Variants in GCA observed in about 807,000 individuals in gnomAD.
GCA encodes the protein grancalcin, also known as grancalcin, EF-hand calcium-binding protein.
Under a neutral mutation model 32.6 loss-of-function variants are expected in GCA, and 30 were observed. The observed-to-expected ratio is 0.92, with a 90% confidence interval of 0.69 to 1.25. GCA has a LOEUF of 1.25. Among genes scored for constraint, GCA ranks in the 50% most tolerant of loss-of-function variants. The pLI, the probability that GCA is intolerant of heterozygous loss-of-function variation, is 0.00. For synonymous variants in GCA, 102 were observed against 84.6 expected (o/e 1.21, Z -1.13); for missense variants, 291 against 266.8 (o/e 1.09, Z -0.63).
intron 2 of GCA, among the ~76,000 whole-genome samples, chr2:162,347,985 G>A (rs1349662920): frequency 6.6e-6 from 1 of 151,946 alleles, no homozygotes; most frequent in Non-Finnish European, 1.5e-5. Flanking sequence ...TCCATAGTGC[G>A]GAAATCTGAT....
At chr2:162,322,611 T>C (rs1251126280) in intron 1 of GCA, among the ~76,000 whole-genome samples, 4 of 136,590 alleles carry the variant, frequency 2.9e-5, no homozygotes, top group East Asian at 2.3e-4. Flanking sequence ...CCTGTGTCCA[T>C]GTGTTCGCAT....
At chr2:162,346,473 G>A (rs139620665) in intron 1 of GCA, 1 of 152,304 alleles carries the variant, frequency 6.6e-6, no homozygotes, top group East Asian at 1.9e-4. Flanking sequence ...CTTCAATCTG[G>A]ATTGGGCCTG....
intron 1 of GCA, among the ~76,000 whole-genome samples, chr2:162,331,530 G>A (rs979827732): frequency 6.6e-6 from 1 of 152,206 alleles, no homozygotes; most frequent in East Asian, 1.9e-4. Context: ...TAGTGGGCAG[G>A]ATTAGCACCC....
rs191448650 is a variant in GCA, at chr2:162,370,842, C to T, written c.366-464C>T. ...GCAGTGGTGTGATCAAGGCCTGCTG[C>T]ACTCTTGACCTCCCAAGCTCAACCC... is the stretch of plus-strand genomic sequence containing the variant. On this transcript the variant is annotated intron_variant, in intron 4 of 4. Coordinates refer to the GCA transcript ENST00000414723. Among the ~76,000 whole-genome samples the T allele has an allele frequency of 5.3e-5, 8 of 152,126 alleles. No homozygotes were observed. In the East Asian group the frequency reaches 7.8e-4, roughly 15 times the overall value.
chr2:162,362,005 T>TA lies in GCA; in HGVS notation c.*1763dup, dbSNP rs1448262046. 2.0e-6 allele frequency: 2 copies of TA among 983,032 alleles called. No individual in the cohort carries two copies. The highest frequency in any genetic ancestry group is 3.5e-5 in the African/African-American group (2 of 57,124). The allele number at this position is 983,032 out of a possible 1,614,324, so 60.9% of individuals were successfully genotyped here. Reference sequence around the variant, plus strand: ...AAACTTTTAAAATGACAAATGGTATTATTCATGTAAGCTTCTGCCAGGTGA... The same window carrying TA: ...AAACTTTTAAAATGACAAATGGTATTAATTCATGTAAGCTTCTGCCAGGTGA... On this transcript the variant is annotated 3_prime_UTR_variant, in exon 8 of 8. Coordinates refer to ENST00000437150, the MANE Select transcript of GCA (RefSeq NM_012198.5).
rs1207831687 is a variant in GCA, at chr2:162,344,252, G to T, written c.4G>T (p.Ala2Ser). M[A>S]YPGYGGGFGN... ...CGCTCCGCTCGTCCCGCTCGTCATG[G>T]CCTACCCGGGATACGGAGGAGGGGT... is the stretch of plus-strand genomic sequence containing the variant. Residue 2 changes from alanine to serine, a missense_variant, in exon 1 of 8, where the codon GCC becomes TCC. By Grantham distance (99) the Ala-to-Ser change is moderately conservative. Transcript: ENST00000437150. The T allele has an allele frequency of 6.2e-7, 1 of 1,613,700 alleles. No individual in the cohort carries two copies. Among genetic ancestry groups the T allele is most frequent in the African/African-American group, 1.3e-5 (1 of 75,062 alleles).
At position 162,344,228 on chromosome 2, in the gene GCA, G is replaced by T. The variant is rs1478366066; in HGVS notation, c.-21G>T. The T allele has an allele frequency of 1.2e-6, 2 of 1,613,568 alleles. No individual in the cohort carries two copies. Among genetic ancestry groups the T allele is most frequent in the Non-Finnish European group, 8.5e-7 (1 of 1,179,870 alleles). ...CGGACGCGACTCGAGGGTGACGCTC[G>T]CTCCGCTCGTCCCGCTCGTCATGGC... On this transcript the variant is annotated 5_prime_UTR_variant, in exon 1 of 8. Coordinates refer to ENST00000437150, the MANE Select transcript of GCA (RefSeq NM_012198.5).
Position 162,360,852 on chromosome 2 carries a change from T to G in GCA, c.*609T>G. 1 of 1,152,180 alleles carries G rather than the reference T, an allele frequency of 8.7e-7. No homozygotes were observed. The highest frequency in any genetic ancestry group is 3.2e-5 in the East Asian group (1 of 31,046). 71.4% of individuals were successfully genotyped at this position (1,152,180 alleles called of 1,614,324 possible). ...AGGCATTGTTTTTTCCTTTTTTATT[T>G]TTTGTATTATATATTTTTCTTAAAT... On this transcript the variant is annotated 3_prime_UTR_variant, in exon 8 of 8. Transcript: ENST00000437150.
chr2:162,319,354 T>A, intron 1 of GCA: 2 of 378,706 alleles, frequency 5.3e-6, no homozygotes, highest in South Asian at 1.9e-5. Context: ...CCAACTCAGC[T>A]TAGAAGGAAG....
chr2:162,362,432 A>G lies in GCA; in HGVS notation c.*2189A>G, dbSNP rs1685612680. On this transcript the variant is annotated 3_prime_UTR_variant, in exon 8 of 8. Transcript: ENST00000437150. The stretch of plus-strand genomic sequence containing the variant: ...TCACTTTTTCGATGCTTTAAAAATA[A>G]CTGATATTTTTATGATGAACATGAC... The G allele has an allele frequency of 1.0e-6, 1 of 959,358 alleles. No individual in the cohort carries two copies. The highest frequency in any genetic ancestry group is 4.8e-5 in the South Asian group (1 of 20,796). 59.4% of individuals were successfully genotyped at this position (959,358 alleles called of 1,614,324 possible). A position where few individuals can be genotyped will look rare whatever the true frequency, so the allele number is the denominator to read the frequency against.
downstream of GCA, chr2:162,373,442 C>T (rs780005662): frequency 3.1e-5 from 45 of 1,455,014 alleles, no homozygotes; most frequent in Non-Finnish European, 3.8e-5. Flanking sequence ...GTGAGAGACA[C>T]TCTTGGTTGG....
intron 1 of GCA, among the ~76,000 whole-genome samples, chr2:162,337,598 G>A (rs1407097626): frequency 1.3e-5 from 2 of 152,218 alleles, no homozygotes; most frequent in Non-Finnish European, 2.9e-5. Context: ...GGTAAGGTGA[G>A]CTGAGAAGAT....
At chr2:162,320,702 A>G (rs905976630) in intron 1 of GCA, among the ~76,000 whole-genome samples, 1 of 152,258 alleles carries the variant, frequency 6.6e-6, no homozygotes, top group African/African-American at 2.4e-5. Flanking sequence ...CATTTAAAAT[A>G]TGTTTATTAA....
Position 162,361,364 on chromosome 2 carries a change from G to T in GCA, c.*1121G>T. 1 of 975,544 alleles carries T rather than the reference G, an allele frequency of 1.0e-6. No individual in the cohort carries two copies. Among genetic ancestry groups the T allele is most frequent in the Non-Finnish European group, 1.2e-6 (1 of 821,294 alleles). 60.4% of individuals were successfully genotyped at this position (975,544 alleles called of 1,614,324 possible). A position where few individuals can be genotyped will look rare whatever the true frequency, so the allele number is the denominator to read the frequency against. ...TTATAATTAATGTAATTTCTTTCTT[G>T]GCAAACACCTCATGTCTGTCTTAGT... is the stretch of plus-strand genomic sequence containing the variant. On this transcript the variant is annotated 3_prime_UTR_variant, in exon 8 of 8. Transcript: ENST00000437150.
At chr2:162,322,767 A>G (rs1285818976) in intron 1 of GCA, among the ~76,000 whole-genome samples, 1 of 151,390 alleles carries the variant, frequency 6.6e-6, no homozygotes, top group Non-Finnish European at 1.5e-5. Context: ...ATAGTATTCC[A>G]TGGTGTATGT....
chr2:162,375,177 T>C (rs1191409929), downstream of GCA, among the ~76,000 whole-genome samples: 2 of 152,216 alleles, frequency 1.3e-5, no homozygotes, highest in Non-Finnish European at 2.9e-5. Context: ...TCTGTACAAA[T>C]GTATTCCATT....
intron 2 of GCA, among the ~76,000 whole-genome samples, 174 bp downstream of exon 2, chr2:162,347,916 A>T (rs183764166): frequency 1.3e-5 from 2 of 152,268 alleles, no homozygotes; most frequent in Admixed American, 1.3e-4. Context: ...TCATTTTAAA[A>T]GTCTGTTGAT....
At chr2:162,359,007 A>G in intron 5 of GCA, 37 bp from the exon 6 acceptor site, 1 of 973,350 alleles carries the variant, frequency 1.0e-6, no homozygotes, top group African/African-American at 1.6e-5. Context: ...TTCTTATGTT[A>G]TTTACATTTA....
Position 162,356,421 on chromosome 2 carries a change from TTG to T in GCA, c.263-16_263-15del. ...AGTTGGGCATACTCTAATTTAAATATTGAATATGTTTTACAGCCTTCAGTTTG... is the reference window on the plus strand; with the variant it reads ...AGTTGGGCATACTCTAATTTAAATATAATATGTTTTACAGCCTTCAGTTTG... On this transcript the variant is annotated splice_polypyrimidine_tract_variant and intron_variant, in intron 3 of 7. Coordinates refer to ENST00000437150, the MANE Select transcript of GCA (RefSeq NM_012198.5). 1 of 1,456,604 alleles carries T rather than the reference TTG, an allele frequency of 6.9e-7. No homozygotes were observed. Among genetic ancestry groups the T allele is most frequent in the East Asian group, 2.3e-5 (1 of 44,014 alleles). 90.2% of individuals were successfully genotyped at this position (1,456,604 alleles called of 1,614,324 possible).
Sources: allele counts gnomAD v4.1 joint callset (sites outside exome capture counted in the v4.1 genomes callset), GRCh38; gene constraint gnomAD v4.1.1; transcripts MANE v1.5; gene names NCBI Gene and HGNC (gene_info 2026-07-23, HGNC 2026-07-21).